The following GOLIM4 variants were observed in gnomAD, a reference collection of about 807,000 sequenced individuals.
The protein encoded by GOLIM4 is 130 kDa golgi-localized phosphoprotein.
Under a neutral mutation model 107.4 loss-of-function variants are expected in GOLIM4, and 71 were observed. The ratio of observed to expected loss-of-function variants is 0.66; its 90% CI spans 0.55 to 0.81. GOLIM4 has a LOEUF of 0.81. Among genes scored for constraint, GOLIM4 ranks in the 30% least tolerant of loss-of-function variants. GOLIM4 has a pLI of 0.00. For missense variants in GOLIM4, 830 were observed against 826.1 expected, an observed-to-expected ratio of 1.00 and a Z score of -0.06; for synonymous variants, 327 against 294.8, an observed-to-expected ratio of 1.11 and a Z score of -1.12.
At chr3:168,041,972 A>G (rs1269022635) in intron 5 of GOLIM4, among the ~76,000 whole-genome samples, 1 of 152,174 alleles carries the variant, frequency 6.6e-6, no homozygotes, top group Non-Finnish European at 1.5e-5. Flanking sequence ...TAACTCCTGC[A>G]TGACTTTTTG....
intron 1 of GOLIM4, among the ~76,000 whole-genome samples, chr3:168,055,962 C>T (rs1216874207): frequency 3.3e-5 from 5 of 152,228 alleles, no homozygotes; most frequent in East Asian, 1.9e-4. Context: ...CAGAAATTTG[C>T]GTAAGTAACT....
chr3:168,070,048 C>T lies in GOLIM4; in HGVS notation c.188-21683G>A, dbSNP rs112605450. Among the ~76,000 whole-genome samples, 9 of 152,236 alleles carry T rather than the reference C, an allele frequency of 5.9e-5. 1 individual carries two copies. The highest frequency in any genetic ancestry group is 4.1e-4 in the South Asian group (2 of 4,820). On this transcript the variant is annotated intron_variant, in intron 1 of 15. Transcript: ENST00000470487. Reference sequence around the variant, plus strand: ...ACATAATCCTTACTTTACTAGGCAACGACAAAGGCCAAGTAGCTAGGTAAC... The same window carrying T: ...ACATAATCCTTACTTTACTAGGCAATGACAAAGGCCAAGTAGCTAGGTAAC...
chr3:168,026,712 A>G (rs1718013894), intron 12 of GOLIM4, among the ~76,000 whole-genome samples: 1 of 152,066 alleles, frequency 6.6e-6, no homozygotes, highest in Non-Finnish European at 1.5e-5. Flanking sequence ...TTCTGCTCTC[A>G]AGTATTAGCC....
Position 168,040,869 on chromosome 3 carries a change from G to A in GOLIM4, c.601C>T (p.Gln201Ter), listed in dbSNP as rs770434473. The A allele has an allele frequency of 6.2e-7, 1 of 1,605,062 alleles. No homozygotes were observed. Among genetic ancestry groups the A allele is most frequent in the Non-Finnish European group, 8.5e-7 (1 of 1,172,234 alleles). The change falls in exon 7 of 16, where the codon CAA becomes TAA. Residue 201 changes from glutamine (Q) to a stop codon, truncating the protein, a stop_gained and splice_region_variant. Transcript: ENST00000470487. LOFTEE classifies it high-confidence loss of function. ...DIHTQLQDVK[Q>*]QHKNLLSEHE... is the part of the protein sequence containing the mutation. ...TCGGAGAGTAAATTCTTATGCTGTTGCTACACAAAAAAGAATTTTACATGT... is the reference window on the plus strand; with the variant it reads ...TCGGAGAGTAAATTCTTATGCTGTTACTACACAAAAAAGAATTTTACATGT...
At chr3:168,060,189 G>C (rs1483652579) in intron 1 of GOLIM4, among the ~76,000 whole-genome samples, 1 of 151,806 alleles carries the variant, frequency 6.6e-6, no homozygotes, top group Non-Finnish European at 1.5e-5. Flanking sequence ...CTCCCAAGTA[G>C]GTGGGACTAC....
At chr3:168,078,210 G>A (rs560254983) in intron 1 of GOLIM4, among the ~76,000 whole-genome samples, 1 of 151,886 alleles carries the variant, frequency 6.6e-6, no homozygotes, top group African/African-American at 2.4e-5. Context: ...AAGTAATTTA[G>A]AACATTGTTA....
At chr3:168,046,784 C>A (rs1719328716) in intron 3 of GOLIM4, among the ~76,000 whole-genome samples, 166 bp downstream of exon 3, 1 of 150,008 alleles carries the variant, frequency 6.7e-6, no homozygotes. Context: ...TTAAAGTCTT[C>A]CTCTTAGAAT....
At chr3:168,011,253 T>C (rs1372130015) in intron 14 of GOLIM4, among the ~76,000 whole-genome samples, 1 of 151,688 alleles carries the variant, frequency 6.6e-6, no homozygotes, top group South Asian at 2.1e-4. Context: ...GTCGGGGAGT[T>C]CCCTTTCCGA....
At chr3:168,011,662 G>C (rs927152885) in intron 14 of GOLIM4, among the ~76,000 whole-genome samples, 11 of 150,116 alleles carry the variant, frequency 7.3e-5, no homozygotes, top group East Asian at 3.9e-4. Context: ...GCTTGGAAGA[G>C]AGCAGTGGTT....
At position 168,029,206 on chromosome 3, in the gene GOLIM4, C is replaced by T; in HGVS notation, c.1513+17G>A. On this transcript the variant is annotated intron_variant, in intron 11 of 15. Transcript: ENST00000470487. ...AGTAATTTATTAAAACATTCATCAT[C>T]TAGGAAGTCTCACCACCTCCTTCCT... is the stretch of plus-strand genomic sequence containing the variant. 1 of 1,470,908 alleles carries T rather than the reference C, an allele frequency of 6.8e-7. No individual in the cohort carries two copies. The highest frequency in any genetic ancestry group is 9.5e-7 in the Non-Finnish European group (1 of 1,051,430). 91.1% of individuals were successfully genotyped at this position (1,470,908 alleles called of 1,614,324 possible). A position where few individuals can be genotyped will look rare whatever the true frequency, so the allele number is the denominator to read the frequency against.
At chr3:168,059,259 A>G (rs1720135009) in intron 1 of GOLIM4, among the ~76,000 whole-genome samples, 1 of 152,190 alleles carries the variant, frequency 6.6e-6, no homozygotes, top group Non-Finnish European at 1.5e-5. Flanking sequence ...ATTAACCCCT[A>G]AAAGTTTTAT....
At chr3:168,010,613 G>A in intron 15 of GOLIM4, 130 bp downstream of exon 15, 9 of 818,942 alleles carry the variant, frequency 1.1e-5, no homozygotes, top group Non-Finnish European at 1.8e-5. Context: ...AGGTGGGCCT[G>A]TTAAATTCAG....
At chr3:168,075,329 C>G (rs1195779043) in intron 1 of GOLIM4, among the ~76,000 whole-genome samples, 7 of 124,578 alleles carry the variant, frequency 5.6e-5, no homozygotes, top group East Asian at 2.3e-4. Flanking sequence ...CGGAGTCTCG[C>G]TCTGTCGCCC....
chr3:168,064,954 A>G (rs985229503), intron 1 of GOLIM4, among the ~76,000 whole-genome samples: 3 of 151,678 alleles, frequency 2.0e-5, no homozygotes, highest in African/African-American at 7.3e-5. Flanking sequence ...GGTTTATCCC[A>G]GAAGGGAAAA....
intron 1 of GOLIM4, among the ~76,000 whole-genome samples, chr3:168,064,554 C>T (rs1351618303): frequency 6.6e-6 from 1 of 151,606 alleles, no homozygotes; most frequent in African/African-American, 2.4e-5. Context: ...TAAGTTTTTA[C>T]ATGAAAATCA....
rs151199047 is a variant in GOLIM4, at chr3:168,029,890, C to A, written c.1323G>T (p.Gly441=). ...GCTGTTCCTGCTGCCGTAGTAAGTG[C>A]CCCTGCAGCCTCTGCTGGTGCAAAG... ...QEALHQQRLQ[G]HLLRQQEQQQ... is the part of the protein sequence containing the mutation. Residue 441 remains glycine (G), a synonymous_variant, in exon 10 of 16, where the codon GGG becomes GGT. Transcript: ENST00000470487. 2.5e-6 allele frequency: 4 copies of A among 1,614,112 alleles called. No individual in the cohort carries two copies. The highest frequency in any genetic ancestry group is 2.2e-5 in the East Asian group (1 of 44,874).
At chr3:168,094,815 G>C (rs1577587747) in intron 1 of GOLIM4, among the ~76,000 whole-genome samples, 1 of 152,184 alleles carries the variant, frequency 6.6e-6, no homozygotes, top group Admixed American at 6.5e-5. Context: ...ACAAGAGCTC[G>C]GGTAAAGGAC....
chr3:168,056,930 C>T (rs979250180), intron 1 of GOLIM4, among the ~76,000 whole-genome samples: 4 of 152,038 alleles, frequency 2.6e-5, no homozygotes, highest in African/African-American at 9.7e-5. Context: ...GTCGGGAAAG[C>T]ATAATTGGTT....
At position 168,016,686 on chromosome 3, in the gene GOLIM4, T is replaced by G. The variant is rs532886614; in HGVS notation, c.1861-5863A>C. Reference sequence around the variant, plus strand: ...GACTGGATTAAGAAAATGTGGCACATATACACCATGGAATACTATGCAGCC... The same window carrying G: ...GACTGGATTAAGAAAATGTGGCACAGATACACCATGGAATACTATGCAGCC... On this transcript the variant is annotated intron_variant, in intron 14 of 15. Coordinates refer to ENST00000470487, the MANE Select transcript of GOLIM4 (RefSeq NM_014498.5). Among the ~76,000 whole-genome samples the G allele has an allele frequency of 1.4e-4, 19 of 134,274 alleles. 1 individual carries two copies. In the South Asian group the frequency reaches 2.3e-3, roughly 16 times the overall value. 88.1% of individuals were successfully genotyped at this position (134,274 alleles called of 152,430 possible).
Sources: allele counts gnomAD v4.1 joint callset (sites outside exome capture counted in the v4.1 genomes callset), GRCh38; gene constraint gnomAD v4.1.1; transcripts MANE v1.5; gene names NCBI Gene and HGNC (gene_info 2026-07-23, HGNC 2026-07-21).